Variants in XNDC1N observed in about 807,000 individuals in gnomAD.
XNDC1N encodes protein XNDC1N.
the XNDC1N span, among the ~76,000 whole-genome samples, chr11:71,888,417 C>T: frequency 3.9e-5 from 6 of 152,116 alleles, no homozygotes; most frequent in South Asian, 2.1e-4. Context: ...GGGCGGGGAC[C>T]GGGAAACTTT....
chr11:71,873,571 G>C, the XNDC1N span, among the ~76,000 whole-genome samples: 9 of 152,146 alleles, frequency 5.9e-5, no homozygotes, highest in African/African-American at 2.2e-4. Context: ...ATGAAATAGG[G>C]GGACAGAGTT....
At chr11:71,866,628 G>A in the XNDC1N span, among the ~76,000 whole-genome samples, 16 of 152,188 alleles carry the variant, frequency 1.1e-4, no homozygotes, top group African/African-American at 3.9e-4. Flanking sequence ...GCCAGGCATG[G>A]TGGTGGGTGC....
At chr11:71,867,033 CCATAACT>C in the XNDC1N span, among the ~76,000 whole-genome samples, 1 of 151,974 alleles carries the variant, frequency 6.6e-6, no homozygotes, top group South Asian at 2.1e-4. Context: ...GCTGTAAGAA[CCATAACT>C]CATATAACCT....
chr11:71,896,972 A>G, the XNDC1N span, among the ~76,000 whole-genome samples: 1 of 152,226 alleles, frequency 6.6e-6, no homozygotes, highest in South Asian at 2.1e-4. Flanking sequence ...AAGAAAGCTC[A>G]TTGGTGGAAC....
chr11:71,927,509 A>C, the XNDC1N span: 1 of 151,824 alleles, frequency 6.6e-6, no homozygotes, highest in South Asian at 2.1e-4. Context: ...TAACACAGCG[A>C]GACACCGTTT....
the XNDC1N span, among the ~76,000 whole-genome samples, chr11:71,908,264 AAT>A: frequency 1.3e-5 from 2 of 150,270 alleles, no homozygotes; most frequent in Non-Finnish European, 2.9e-5. Context: ...ATTAGGAGCT[AAT>A]ATGACTGTTT....
chr11:71,888,976 A>T, the XNDC1N span, among the ~76,000 whole-genome samples: 3,898 of 152,300 alleles, frequency 0.026, 56 homozygotes, highest in East Asian at 0.077. Context: ...GGGCATCAGT[A>T]GACTGGGAAC....
At chr11:71,907,461 G>A in the XNDC1N span, among the ~76,000 whole-genome samples, 1 of 48,974 alleles carries the variant, frequency 2.0e-5, no homozygotes, top group African/African-American at 3.6e-5. Flanking sequence ...GTAAGAGCCA[G>A]CCCCTCTTGC....
chr11:71,871,362 C>A, the XNDC1N span, among the ~76,000 whole-genome samples: 1 of 152,018 alleles, frequency 6.6e-6, no homozygotes, highest in Non-Finnish European at 1.5e-5. Flanking sequence ...ACAGTGGTTA[C>A]CAGAGCCTGG....
the XNDC1N span, among the ~76,000 whole-genome samples, chr11:71,902,352 G>A: frequency 6.4e-3 from 955 of 149,550 alleles, no homozygotes; most frequent in African/African-American, 0.023. Flanking sequence ...CCGCCATACC[G>A]GGCGAAGTGT....
At chr11:71,913,456 C>T in the XNDC1N span, among the ~76,000 whole-genome samples, 3 of 152,042 alleles carry the variant, frequency 2.0e-5, no homozygotes, top group East Asian at 3.9e-4. Flanking sequence ...GTCACAAGAT[C>T]GAGACCAGCC....
chr11:71,894,280 G>T, the XNDC1N span: 3 of 398,720 alleles, frequency 7.5e-6, no homozygotes, highest in South Asian at 6.3e-5. Flanking sequence ...CCCCAGGAAT[G>T]GTGTGATGGC....
chr11:71,896,812 C>T, the XNDC1N span, among the ~76,000 whole-genome samples: 1 of 148,262 alleles, frequency 6.7e-6, no homozygotes, highest in South Asian at 2.1e-4. Context: ...GATCCACCCG[C>T]CTCGGCCTCC....
chr11:71,900,028 G>A, the XNDC1N span, among the ~76,000 whole-genome samples: 1 of 152,270 alleles, frequency 6.6e-6, no homozygotes, highest in African/African-American at 2.4e-5. Flanking sequence ...TGAGATGTTT[G>A]GGTGGAGAGA....
At chr11:71,901,174 T>A in the XNDC1N span, among the ~76,000 whole-genome samples, 1 of 152,068 alleles carries the variant, frequency 6.6e-6, no homozygotes, top group Non-Finnish European at 1.5e-5. Flanking sequence ...CCTGGCTTTC[T>A]GTACAGCTCT....
At chr11:71,909,603 T>G in the XNDC1N span, among the ~76,000 whole-genome samples, 9 of 152,160 alleles carry the variant, frequency 5.9e-5, no homozygotes, top group East Asian at 1.7e-3. Context: ...GGGGTGGAGA[T>G]ATTGACTTTC....
chr11:71,896,076 G>A, the XNDC1N span, among the ~76,000 whole-genome samples: 1 of 152,174 alleles, frequency 6.6e-6, no homozygotes, highest in African/African-American at 2.4e-5. Context: ...CCAGGAGTTC[G>A]AGACCCGCCT....
At chr11:71,898,515 A>C in the XNDC1N span, among the ~76,000 whole-genome samples, 7 of 152,144 alleles carry the variant, frequency 4.6e-5, no homozygotes, top group African/African-American at 1.7e-4. Context: ...GCTGAGACAC[A>C]AGAATCGCTT....
the XNDC1N span, among the ~76,000 whole-genome samples, chr11:71,900,242 T>A: frequency 6.6e-6 from 1 of 152,178 alleles, no homozygotes. Flanking sequence ...CCGGTGCAGA[T>A]CCTTGGTATG....
Sources: allele counts gnomAD v4.1 joint callset (sites outside exome capture counted in the v4.1 genomes callset), GRCh38; gene constraint gnomAD v4.1.1; transcripts MANE v1.5; gene names NCBI Gene and HGNC (gene_info 2026-07-23, HGNC 2026-07-21).